RASGRF2: variants seen among roughly 807,000 people sequenced by gnomAD.
RASGRF2 encodes ras-specific guanine nucleotide-releasing factor 2.
Under a neutral mutation model 151.0 loss-of-function variants are expected in RASGRF2, and 76 were observed. That is an observed-to-expected ratio of 0.50 (90% CI 0.42 to 0.61). The LOEUF (loss-of-function observed/expected upper bound fraction) is 0.61. Ranked by LOEUF, RASGRF2 falls within the 20% of genes least tolerant of loss-of-function variation. RASGRF2 has a pLI of 0.00. For missense variants in RASGRF2, 1,148 were observed against 1,564.6 expected (o/e 0.73, Z 4.49); for synonymous variants, 504 against 566.5 (o/e 0.89, Z 1.57).
At chr5:81,133,659 G>A (rs1753679628) in intron 17 of RASGRF2, among the ~76,000 whole-genome samples, 1 of 152,120 alleles carries the variant, frequency 6.6e-6, no homozygotes, top group Non-Finnish European at 1.5e-5. Context: ...GGCAGTGGAG[G>A]TACTATAAGC....
At chr5:81,059,416 GGC>G (rs1009514397) in intron 2 of RASGRF2, among the ~76,000 whole-genome samples, 1 of 149,686 alleles carries the variant, frequency 6.7e-6, no homozygotes, top group Non-Finnish European at 1.5e-5. Flanking sequence ...AATCTTGTAA[GGC>G]CTTTGATCAA....
chr5:80,972,480 T>TAC (rs1265367601), intron 1 of RASGRF2, among the ~76,000 whole-genome samples: 1 of 145,610 alleles, frequency 6.9e-6, no homozygotes, highest in African/African-American at 2.5e-5. Flanking sequence ...ATTTGATTGG[T>TAC]CTCTGTTTTT....
At chr5:81,134,465 CT>C (rs1753706106) in intron 17 of RASGRF2, among the ~76,000 whole-genome samples, 4 of 152,204 alleles carry the variant, frequency 2.6e-5, no homozygotes, top group South Asian at 4.1e-4. Context: ...GGTGCACTGG[CT>C]CTCCAGGTGT....
intron 2 of RASGRF2, among the ~76,000 whole-genome samples, chr5:81,057,676 A>G (rs1751269814): frequency 6.6e-6 from 1 of 152,068 alleles, no homozygotes; most frequent in Non-Finnish European, 1.5e-5. Flanking sequence ...AACATTTATT[A>G]TTTCTTTGTG....
At chr5:80,984,816 C>A (rs12516854) in intron 1 of RASGRF2, among the ~76,000 whole-genome samples, 14,172 of 152,212 alleles carry the variant, frequency 0.093, 1,034 homozygotes, top group East Asian at 0.28. Context: ...GGATTATCCA[C>A]ATAATTGTAT....
At chr5:81,024,877 G>T (rs1749964837) in intron 1 of RASGRF2, among the ~76,000 whole-genome samples, 1 of 152,228 alleles carries the variant, frequency 6.6e-6, no homozygotes, top group Admixed American at 6.5e-5. Context: ...TAAAGCGAAA[G>T]CTTCTCCCAT....
chr5:81,017,069 A>G (rs938976015), intron 1 of RASGRF2, among the ~76,000 whole-genome samples: 1 of 152,196 alleles, frequency 6.6e-6, no homozygotes, highest in Non-Finnish European at 1.5e-5. Flanking sequence ...ATGCATGAAC[A>G]CATTTATCTG....
At chr5:81,171,053 G>A (rs1250287893) in intron 17 of RASGRF2, among the ~76,000 whole-genome samples, 1 of 151,998 alleles carries the variant, frequency 6.6e-6, no homozygotes, top group African/African-American at 2.4e-5. Context: ...AAAAATTGAG[G>A]AGAAGAAAAT....
intron 1 of RASGRF2, among the ~76,000 whole-genome samples, chr5:81,033,814 A>C (rs569330048): frequency 3.9e-5 from 6 of 152,344 alleles, no homozygotes; most frequent in South Asian, 2.1e-4. Context: ...CAATTAAACT[A>C]AAGAACTTCT....
At chr5:81,007,077 T>C (rs1426129383) in intron 1 of RASGRF2, among the ~76,000 whole-genome samples, 2 of 152,168 alleles carry the variant, frequency 1.3e-5, no homozygotes, top group Non-Finnish European at 2.9e-5. Flanking sequence ...GGTGGAGTAA[T>C]CACTGTGTGA....
intron 1 of RASGRF2, among the ~76,000 whole-genome samples, chr5:81,037,488 TG>T (rs1750539352): frequency 6.6e-6 from 1 of 152,232 alleles, no homozygotes; most frequent in African/African-American, 2.4e-5. Context: ...ATCCTCTTTT[TG>T]TCAGTCCTCT....
intron 17 of RASGRF2, among the ~76,000 whole-genome samples, chr5:81,139,868 G>T (rs1005785131): frequency 3.3e-5 from 5 of 152,018 alleles, no homozygotes; most frequent in Non-Finnish European, 7.4e-5. Context: ...TGTCACCCAG[G>T]CTGTCATGGA....
At chr5:81,186,635 T>C (rs1206520445) in intron 18 of RASGRF2, among the ~76,000 whole-genome samples, 1 of 152,164 alleles carries the variant, frequency 6.6e-6, no homozygotes. Flanking sequence ...CCTAACACTG[T>C]CATAACACAA....
At chr5:81,201,764 A>G (rs1216961787) in intron 19 of RASGRF2, among the ~76,000 whole-genome samples, 1 of 152,122 alleles carries the variant, frequency 6.6e-6, no homozygotes, top group Non-Finnish European at 1.5e-5. Flanking sequence ...CATCAAAGAG[A>G]GATGATGTTT....
chr5:81,189,381 A>C (rs989939499), intron 18 of RASGRF2, among the ~76,000 whole-genome samples: 1 of 152,252 alleles, frequency 6.6e-6, no homozygotes, highest in Non-Finnish European at 1.5e-5. Flanking sequence ...ATTTGGTCTC[A>C]ATGTGAAATG....
intron 5 of RASGRF2, among the ~76,000 whole-genome samples, 177 bp from the exon 6 acceptor site, chr5:81,079,944 G>A (rs1479137368): frequency 6.6e-6 from 1 of 152,098 alleles, no homozygotes; most frequent in African/African-American, 2.4e-5. Flanking sequence ...AGGGTTTGCT[G>A]AGGCTGTCAT....
intron 17 of RASGRF2, among the ~76,000 whole-genome samples, chr5:81,140,792 A>G (rs1433535570): frequency 1.3e-5 from 2 of 152,098 alleles, no homozygotes; most frequent in African/African-American, 2.4e-5. Flanking sequence ...GCAAAGGTAC[A>G]ATGTAGTTGA....
At chr5:80,970,284 T>A (rs66619059) in intron 1 of RASGRF2, among the ~76,000 whole-genome samples, 40,063 of 152,098 alleles carry the variant, frequency 0.26, 5,599 homozygotes, top group Middle Eastern at 0.38. Context: ...ATTGTTAAAC[T>A]TTTATCTAGG....
intron 6 of RASGRF2, 70 bp from the exon 7 acceptor site, chr5:81,080,526 C>T: frequency 1.4e-6 from 2 of 1,454,058 alleles, no homozygotes; most frequent in Middle Eastern, 1.9e-4. Flanking sequence ...CCACTCTTTG[C>T]CATTCCTGCC....
Sources: allele counts gnomAD v4.1 joint callset (sites outside exome capture counted in the v4.1 genomes callset), GRCh38; gene constraint gnomAD v4.1.1; transcripts MANE v1.5; gene names NCBI Gene and HGNC (gene_info 2026-07-23, HGNC 2026-07-21).